Variants in WDR41 observed in about 807,000 individuals in gnomAD.
The protein encoded by WDR41 is WD repeat-containing protein 41.
WDR41 carries 63 observed loss-of-function variants against 69.3 expected under a neutral mutation model. The ratio of observed to expected loss-of-function variants is 0.91; its 90% CI spans 0.74 to 1.12. WDR41 has a LOEUF of 1.12. Among genes scored for constraint, WDR41 ranks in the 50% most tolerant of loss-of-function variants. The pLI, the probability that WDR41 is intolerant of heterozygous loss-of-function variation, is 0.00. For missense variants in WDR41, 543 were observed against 534.5 expected (o/e 1.02, Z -0.16); for synonymous variants, 185 against 192.1 (o/e 0.96, Z 0.31).
At chr5:77,594,372 AC>A (rs1744188665) in intron 1 of WDR41, among the ~76,000 whole-genome samples, 4 of 152,056 alleles carry the variant, frequency 2.6e-5, no homozygotes, top group Admixed American at 2.6e-4. Flanking sequence ...TATGTAACAA[AC>A]CTGCACATTG....
chr5:77,489,997 A>C (rs1182356356), intron 1 of WDR41, among the ~76,000 whole-genome samples: 1 of 152,250 alleles, frequency 6.6e-6, no homozygotes, highest in Non-Finnish European at 1.5e-5. Flanking sequence ...ACAGTGCCTC[A>C]TCCATTACAA....
intron 1 of WDR41, among the ~76,000 whole-genome samples, chr5:77,594,763 TA>T (rs1320354073): frequency 6.6e-6 from 1 of 152,344 alleles, no homozygotes; most frequent in East Asian, 1.9e-4. Context: ...TGTTTTTAAT[TA>T]ACCATTAATT....
chr5:77,537,811 G>A (rs903603721), intron 1 of WDR41, among the ~76,000 whole-genome samples: 1 of 152,106 alleles, frequency 6.6e-6, no homozygotes, highest in Non-Finnish European at 1.5e-5. Context: ...CAGCATGCCT[G>A]GTAAGTGTAA....
At chr5:77,442,184 C>A (rs1180539695) in intron 8 of WDR41, among the ~76,000 whole-genome samples, 1 of 152,062 alleles carries the variant, frequency 6.6e-6, no homozygotes, top group Non-Finnish European at 1.5e-5. Context: ...AATTCCACTT[C>A]TAGGAATTTA....
chr5:77,593,693 C>T (rs1053546028), intron 1 of WDR41, among the ~76,000 whole-genome samples: 4 of 152,074 alleles, frequency 2.6e-5, no homozygotes, highest in Non-Finnish European at 4.4e-5. Flanking sequence ...CTGGAAGAGA[C>T]TTAGAATGCA....
chr5:77,583,277 G>A (rs1048663877), intron 1 of WDR41, among the ~76,000 whole-genome samples: 1 of 151,826 alleles, frequency 6.6e-6, no homozygotes, highest in Non-Finnish European at 1.5e-5. Flanking sequence ...CATTTTAGGA[G>A]GGCAAGGTGG....
intron 8 of WDR41, among the ~76,000 whole-genome samples, chr5:77,442,847 G>A (rs145055097): frequency 0.021 from 2,603 of 123,130 alleles, 34 homozygotes; most frequent in Middle Eastern, 0.11. Context: ...AGCCGAGATC[G>A]CGCCACTGCC....
intron 1 of WDR41, among the ~76,000 whole-genome samples, chr5:77,605,812 T>TA (rs972907690): frequency 2.3e-4 from 35 of 151,998 alleles, no homozygotes; most frequent in African/African-American, 6.3e-4. Context: ...CCTTTGTGCT[T>TA]AAAAAAAATA....
rs1384338030 is a variant in WDR41 at position 77,543,110 on chromosome 5, T to C, written c.43-53538A>G. On this transcript the variant is annotated intron_variant, in intron 1 of 5. Coordinates refer to the WDR41 transcript ENST00000509971. The stretch of plus-strand genomic sequence containing the variant: ...CACATCCTTAGGAAAAAGGGGAGAG[T>C]ACTACATCAAGGGAACACCCTGTGG... Among the ~76,000 whole-genome samples, 4 of 151,536 alleles carry C rather than the reference T, an allele frequency of 2.6e-5. No homozygotes were observed. In the East Asian group the frequency reaches 7.8e-4, roughly 29 times the overall value.
intron 5 of WDR41, 29 bp from the exon 6 acceptor site, chr5:77,453,957 G>A (rs538857745): frequency 3.9e-6 from 6 of 1,549,232 alleles, no homozygotes; most frequent in Non-Finnish European, 4.5e-6. Flanking sequence ...ATGTATATCA[G>A]GTTAGAAACT....
At chr5:77,481,784 CAAAAAAAAAAA>C (rs61463461) in intron 2 of WDR41, among the ~76,000 whole-genome samples, 5 of 87,396 alleles carry the variant, frequency 5.7e-5, no homozygotes, top group Admixed American at 4.0e-4. Flanking sequence ...GACTCCGTCT[CAAAAAAAAAAA>C]AAAAAAAAAA....
chr5:77,441,651 C>T (rs547656314), intron 8 of WDR41, among the ~76,000 whole-genome samples: 1 of 152,096 alleles, frequency 6.6e-6, no homozygotes, highest in South Asian at 2.1e-4. Flanking sequence ...GACAGGAGAA[C>T]TGCTTGAACC....
At chr5:77,562,098 T>C (rs748166835) in intron 1 of WDR41, among the ~76,000 whole-genome samples, 31 of 152,210 alleles carry the variant, frequency 2.0e-4, no homozygotes, top group Non-Finnish European at 3.8e-4. Flanking sequence ...TGAGATGGCA[T>C]GCAGTTGATG....
At chr5:77,529,400 C>A (rs1802491994) in intron 1 of WDR41, among the ~76,000 whole-genome samples, 1 of 151,302 alleles carries the variant, frequency 6.6e-6, no homozygotes, top group Admixed American at 6.6e-5. Context: ...AGAGATACAC[C>A]ACGTTCATGG....
At position 77,433,282 on chromosome 5, in the gene WDR41, A is replaced by C; in HGVS notation, c.1233T>G (p.Phe411Leu). The change falls in exon 13 of 13, where the codon TTT becomes TTG. Residue 411 changes from phenylalanine to leucine, a missense_variant. Transcript: ENST00000296679. Reference sequence around the variant, plus strand: ...CTAGTCCATGATCTTCAAAGTATAGAAACATCTGTAAAGAAAATTAAAACT... The same window carrying C: ...CTAGTCCATGATCTTCAAAGTATAGCAACATCTGTAAAGAAAATTAAAACT... The part of the protein sequence containing the change: ...LIGHSSSVEM[F>L]LYFEDHGLVT... The C allele has an allele frequency of 6.2e-7, 1 of 1,609,456 alleles. No individual in the cohort carries two copies. Among genetic ancestry groups the C allele is most frequent in the East Asian group, 2.2e-5 (1 of 44,826 alleles).
chr5:77,576,305 C>G (rs367700561), intron 1 of WDR41, among the ~76,000 whole-genome samples: 1 of 152,018 alleles, frequency 6.6e-6, no homozygotes, highest in Non-Finnish European at 1.5e-5. Context: ...TTCACTACCC[C>G]CCTCAACCTG....
At chr5:77,459,702 A>T (rs201686893) in intron 4 of WDR41, among the ~76,000 whole-genome samples, 2 of 152,198 alleles carry the variant, frequency 1.3e-5, no homozygotes, top group East Asian at 3.8e-4. Context: ...ATAGTAAGAA[A>T]TACATTTTAC....
intron 5 of WDR41, among the ~76,000 whole-genome samples, chr5:77,455,451 T>C (rs1198731576): frequency 1.3e-5 from 2 of 152,222 alleles, no homozygotes; most frequent in Non-Finnish European, 2.9e-5. Context: ...CAAAAACTTT[T>C]CATTCTGATG....
chr5:77,546,194 T>C (rs922556884), intron 1 of WDR41: 9 of 424,408 alleles, frequency 2.1e-5, no homozygotes, highest in Non-Finnish European at 3.3e-5. Flanking sequence ...AGTAATTCAC[T>C]GACCACCTCG....
Sources: allele counts gnomAD v4.1 joint callset (sites outside exome capture counted in the v4.1 genomes callset), GRCh38; gene constraint gnomAD v4.1.1; transcripts MANE v1.5; gene names NCBI Gene and HGNC (gene_info 2026-07-23, HGNC 2026-07-21).